The following CDK14 variants were observed in gnomAD, a reference collection of about 807,000 sequenced individuals.
The protein encoded by CDK14 is cyclin dependent kinase 14, also known as cyclin-dependent kinase 14.
CDK14 carries 34 observed loss-of-function variants against 60.7 expected under a neutral mutation model. That is an observed-to-expected ratio of 0.56 (90% CI 0.43 to 0.75). The LOEUF is 0.75. CDK14 is among the 30% of genes least tolerant of loss of function. CDK14 has a pLI of 0.00. For synonymous variants in CDK14, 197 were observed against 203.7 expected (o/e 0.97, Z 0.28); for missense variants, 482 against 564.1 (o/e 0.85, Z 1.47).
intron 14 of CDK14, among the ~76,000 whole-genome samples, chr7:91,167,212 C>A (rs1801372652): frequency 6.6e-6 from 1 of 152,178 alleles, no homozygotes; most frequent in Admixed American, 6.5e-5. Flanking sequence ...GGAATTCAAT[C>A]TCAGAATTTC....
In CDK14 at chr7:91,156,219, T is replaced by A. The variant is rs1300277008; in HGVS notation, c.*28+38011T>A. Among the ~76,000 whole-genome samples, 4 of 152,348 alleles carry A rather than the reference T, an allele frequency of 2.6e-5. No homozygotes were observed. The East Asian group carries it at 7.7e-4, about 29-fold the overall frequency. On this transcript the variant is annotated intron_variant, in intron 14 of 14. Coordinates refer to ENST00000380050, the MANE Select transcript of CDK14 (RefSeq NM_001287135.2). ...TTTGTTGTTTGTTTTTTAATTTAAT[T>A]TGAAATATAATTTCCCTATAGACCT...
intron 6 of CDK14, among the ~76,000 whole-genome samples, chr7:90,881,810 G>A (rs964905933): frequency 6.6e-6 from 1 of 152,056 alleles, no homozygotes; most frequent in Non-Finnish European, 1.5e-5. Flanking sequence ...AGAATTTCCA[G>A]CCCACAATTT....
intron 6 of CDK14, among the ~76,000 whole-genome samples, chr7:90,891,870 G>C (rs1002586022): frequency 2.0e-5 from 3 of 152,250 alleles, no homozygotes; most frequent in Admixed American, 2.0e-4. Flanking sequence ...GAAGGGAAAA[G>C]TCTAGTTTGA....
chr7:90,938,041 A>G (rs1021374765), intron 8 of CDK14, among the ~76,000 whole-genome samples: 7 of 152,250 alleles, frequency 4.6e-5, no homozygotes, highest in African/African-American at 1.7e-4. Context: ...AGAGATCATG[A>G]AAGAATAGTT....
chr7:90,684,038 A>G (rs1302608140), intron 2 of CDK14, among the ~76,000 whole-genome samples: 2 of 152,096 alleles, frequency 1.3e-5, no homozygotes, highest in African/African-American at 2.4e-5. Context: ...ATTTGAATCC[A>G]TCCCTGTAGA....
chr7:90,756,470 AG>A (rs1804063644), intron 4 of CDK14, among the ~76,000 whole-genome samples: 1 of 152,228 alleles, frequency 6.6e-6, no homozygotes, highest in African/African-American at 2.4e-5. Flanking sequence ...TCACTCTAGT[AG>A]GTATTAATTT....
At chr7:90,868,232 C>A (rs544673413) in intron 6 of CDK14, among the ~76,000 whole-genome samples, 1 of 151,400 alleles carries the variant, frequency 6.6e-6, no homozygotes, top group South Asian at 2.1e-4. Context: ...CCACAAGTTT[C>A]CTTGTGTCAT....
chr7:90,692,281 T>C (rs1013922808), intron 2 of CDK14, among the ~76,000 whole-genome samples: 1 of 152,188 alleles, frequency 6.6e-6, no homozygotes, highest in East Asian at 1.9e-4. Context: ...CAGACAGATA[T>C]ACCCAGATAT....
chr7:91,057,934 T>C (rs183863277), intron 11 of CDK14, among the ~76,000 whole-genome samples: 11,693 of 152,108 alleles, frequency 0.077, 670 homozygotes, highest in African/African-American at 0.16. Context: ...TTTATCCAAT[T>C]CTGTGAAGAA....
At chr7:90,674,522 T>C (rs1464873242) in intron 2 of CDK14, among the ~76,000 whole-genome samples, 5 of 152,234 alleles carry the variant, frequency 3.3e-5, no homozygotes, top group East Asian at 1.9e-4. Context: ...AAATGAGCTA[T>C]AGACGAACCT....
Position 90,936,880 on chromosome 7 carries a change from A to T in CDK14, c.827-18817A>T, listed in dbSNP as rs918812656. Among the ~76,000 whole-genome samples, 5 of 152,132 alleles carry T rather than the reference A, an allele frequency of 3.3e-5. No individual in the cohort carries two copies. The East Asian group carries it at 9.6e-4, about 29-fold the overall frequency. On this transcript the variant is annotated intron_variant, in intron 8 of 14. Transcript: ENST00000380050. ...GATAACTTGAGGCCAAGAGTTTGAG[A>T]CTAACCTGGGTAATGTAGTGATACT...
At chr7:90,980,677 A>G (rs1255314031) in intron 9 of CDK14, among the ~76,000 whole-genome samples, 1 of 152,194 alleles carries the variant, frequency 6.6e-6, no homozygotes, top group Non-Finnish European at 1.5e-5. Context: ...TCCTTTAAGT[A>G]TAATTCTCTC....
intron 14 of CDK14, among the ~76,000 whole-genome samples, chr7:91,185,785 CG>C (rs1802159080): frequency 6.6e-6 from 1 of 151,794 alleles, no homozygotes; most frequent in South Asian, 2.1e-4. Flanking sequence ...TAAAGCAGTT[CG>C]GGGGTTTTTA....
chr7:90,766,961 C>A (rs1002485374), intron 4 of CDK14, among the ~76,000 whole-genome samples: 1 of 152,110 alleles, frequency 6.6e-6, no homozygotes, highest in Non-Finnish European at 1.5e-5. Context: ...TTAACTCCTT[C>A]CCTCTGGGCA....
Position 90,777,654 on chromosome 7 carries a change from G to A in CDK14, c.465-12919G>A, listed in dbSNP as rs116462955. ...GTCATCTGTGCAGCTGCAAAAGCTCGGCCCATCCCTCTCCATGCTTTGCCT... is the reference window on the plus strand; with the variant it reads ...GTCATCTGTGCAGCTGCAAAAGCTCAGCCCATCCCTCTCCATGCTTTGCCT... On this transcript the variant is annotated intron_variant, in intron 4 of 14. Coordinates refer to ENST00000380050, the MANE Select transcript of CDK14 (RefSeq NM_001287135.2). 8.0e-3 allele frequency among the ~76,000 whole-genome samples: 1,218 copies of A among 152,192 alleles called. 23 individuals are homozygous for A. The highest frequency in any genetic ancestry group is 0.028 in the African/African-American group (1,168 of 41,506).
intron 2 of CDK14, among the ~76,000 whole-genome samples, chr7:90,624,156 C>CGA (rs1385983661): frequency 1.3e-5 from 2 of 152,064 alleles, no homozygotes; most frequent in African/African-American, 4.8e-5. Context: ...TTCCCCAGGC[C>CGA]ACAGTCTTCT....
chr7:91,191,629 G>C (rs1196769046), intron 14 of CDK14, among the ~76,000 whole-genome samples: 2 of 151,908 alleles, frequency 1.3e-5, no homozygotes, highest in East Asian at 3.9e-4. Flanking sequence ...GGGGGGGTGG[G>C]ATGTGTTTAT....
At chr7:91,014,248 C>CT (rs1276095985) in intron 10 of CDK14, among the ~76,000 whole-genome samples, 1 of 152,072 alleles carries the variant, frequency 6.6e-6, no homozygotes, top group Admixed American at 6.6e-5. Context: ...TAAAATTACA[C>CT]TTTTTTGTTT....
chr7:91,014,420 T>A (rs1796246119), intron 10 of CDK14, among the ~76,000 whole-genome samples: 1 of 152,192 alleles, frequency 6.6e-6, no homozygotes, highest in African/African-American at 2.4e-5. Flanking sequence ...AACTTTTCGT[T>A]CCTTTCTTGG....
Sources: allele counts gnomAD v4.1 joint callset (sites outside exome capture counted in the v4.1 genomes callset), GRCh38; gene constraint gnomAD v4.1.1; transcripts MANE v1.5; gene names NCBI Gene and HGNC (gene_info 2026-07-23, HGNC 2026-07-21).